Variants in NEK10 observed in about 807,000 individuals in gnomAD.
NEK10 encodes NIMA related kinase 10, also known as serine/threonine-protein kinase Nek10.
NEK10 carries 122 observed loss-of-function variants against 159.8 expected under a neutral mutation model. That is an observed-to-expected ratio of 0.76 (90% CI 0.66 to 0.89). The LOEUF (loss-of-function observed/expected upper bound fraction) is 0.89. Among genes scored for constraint, NEK10 ranks in the 40% least tolerant of loss-of-function variants. The pLI is 0.00. For synonymous variants in NEK10, 466 were observed against 457.1 expected, an observed-to-expected ratio of 1.02 and a Z score of -0.25; for missense variants, 1,342 against 1,323.1, an observed-to-expected ratio of 1.01 and a Z score of -0.22.
chr3:27,353,052 T>C, intron 1 of NEK10, 133 bp from the exon 2 acceptor site: 1 of 588,124 alleles, frequency 1.7e-6, no homozygotes, highest in Non-Finnish European at 3.0e-6. Context: ...AATACAATAA[T>C]AAAAGTGTTA....
At chr3:27,133,571 T>C (rs1942853281) in intron 31 of NEK10, among the ~76,000 whole-genome samples, 1 of 152,144 alleles carries the variant, frequency 6.6e-6, no homozygotes, top group Non-Finnish European at 1.5e-5. Context: ...GGTAAGGAGT[T>C]CAAGACTAGC....
At chr3:27,328,738 G>A (rs143836449) in intron 5 of NEK10, among the ~76,000 whole-genome samples, 178 of 152,204 alleles carry the variant, frequency 1.2e-3, no homozygotes, top group African/African-American at 3.7e-3. Context: ...TAAATTCAAC[G>A]TTGAGAACAG....
At chr3:27,347,730 C>T (rs553155175) in intron 3 of NEK10, among the ~76,000 whole-genome samples, 1 of 152,196 alleles carries the variant, frequency 6.6e-6, no homozygotes, top group African/African-American at 2.4e-5. Context: ...TATCTCAATT[C>T]GGTCAGCCAA....
intron 4 of NEK10, among the ~76,000 whole-genome samples, chr3:27,344,792 C>A (rs1055953550): frequency 1.3e-5 from 2 of 152,116 alleles, no homozygotes; most frequent in Non-Finnish European, 2.9e-5. Flanking sequence ...ACCCTCGACC[C>A]CACTGGCTGA....
At position 27,322,279 on chromosome 3, in the gene NEK10, G is replaced by A. The variant is rs530311349; in HGVS notation, c.363-18C>T. On this transcript the variant is annotated intron_variant, in intron 5 of 35. Coordinates refer to ENST00000691995, the MANE Select transcript of NEK10 (RefSeq NM_001394966.1). The stretch of plus-strand genomic sequence containing the variant: ...CCCACTCTCTGAAAGAAGAAAACAA[G>A]AGAACATGTTCACGTTTAAAATCCC... 7.0e-7 allele frequency: 1 copy of A among 1,429,890 alleles called. No individual in the cohort carries two copies. The highest frequency in any genetic ancestry group is 1.2e-5 in the South Asian group (1 of 81,354). 88.6% of individuals were successfully genotyped at this position (1,429,890 alleles called of 1,614,324 possible). A position where few individuals can be genotyped will look rare whatever the true frequency, so the allele number is the denominator to read the frequency against.
At chr3:27,361,999 C>G (rs1302822142) in intron 1 of NEK10, among the ~76,000 whole-genome samples, 8 of 151,882 alleles carry the variant, frequency 5.3e-5, no homozygotes, top group Admixed American at 2.6e-4. Flanking sequence ...TAAAAGAAGA[C>G]ATTTTTTAAT....
At chr3:27,357,023 G>T (rs1030361467) in intron 1 of NEK10, among the ~76,000 whole-genome samples, 21 of 152,200 alleles carry the variant, frequency 1.4e-4, no homozygotes, top group African/African-American at 5.1e-4. Context: ...GCTTTTAACA[G>T]TTATTTTAAG....
intron 24 of NEK10, 31 bp downstream of exon 24, chr3:27,202,397 C>A (rs373818088): frequency 2.5e-6 from 4 of 1,581,476 alleles, no homozygotes; most frequent in Non-Finnish European, 3.5e-6. Flanking sequence ...TTTAGCTACA[C>A]GAGACCCTTC....
At chr3:27,168,192 A>G (rs1946647719) in intron 29 of NEK10, among the ~76,000 whole-genome samples, 2 of 152,006 alleles carry the variant, frequency 1.3e-5, no homozygotes, top group Non-Finnish European at 2.9e-5. Flanking sequence ...AGGGTCCCCA[A>G]GTGGGAGAGC....
chr3:27,220,829 T>C (rs1231006858), intron 23 of NEK10, among the ~76,000 whole-genome samples: 1 of 152,130 alleles, frequency 6.6e-6, no homozygotes. Flanking sequence ...TGCATATAGA[T>C]TGATAAAATA....
intron 15 of NEK10, 92 bp downstream of exon 15, chr3:27,295,521 A>C (rs2043294534): frequency 6.8e-7 from 1 of 1,466,674 alleles, no homozygotes; most frequent in Admixed American, 2.2e-5. Context: ...ACCAGTACTA[A>C]CCTAAACATT....
At chr3:27,163,724 T>C (rs1946234602) in intron 29 of NEK10, among the ~76,000 whole-genome samples, 1 of 152,162 alleles carries the variant, frequency 6.6e-6, no homozygotes, top group South Asian at 2.1e-4. Context: ...GTAAGAATCA[T>C]TCTTAAACTT....
chr3:27,131,813 G>A lies in NEK10; in HGVS notation c.3081+67C>T, dbSNP rs1942654296. On this transcript the variant is annotated intron_variant, in intron 32 of 35. Coordinates refer to ENST00000691995, the MANE Select transcript of NEK10 (RefSeq NM_001394966.1). ...GAGCTTAAAGTACGAAGTAAAGGAG[G>A]TATAAAATGTACCTCTTATGATGTG... is the stretch of plus-strand genomic sequence containing the variant. The A allele has an allele frequency of 7.7e-6, 6 of 774,698 alleles. No homozygotes were observed. The East Asian group carries it at 1.0e-4, about 13-fold the overall frequency. 48.0% of individuals were successfully genotyped at this position (774,698 alleles called of 1,614,324 possible).
intron 12 of NEK10, among the ~76,000 whole-genome samples, chr3:27,302,650 T>C (rs753678597): frequency 1.7e-4 from 26 of 152,242 alleles, no homozygotes; most frequent in Non-Finnish European, 2.9e-5. Flanking sequence ...TTGTTTTACA[T>C]AGTTACCATT....
chr3:27,305,733 T>C (rs138838403), intron 11 of NEK10, among the ~76,000 whole-genome samples: 1 of 152,192 alleles, frequency 6.6e-6, no homozygotes, highest in African/African-American at 2.4e-5. Context: ...GCAGGTAAGT[T>C]AAGGGCAAAG....
intron 1 of NEK10, among the ~76,000 whole-genome samples, chr3:27,368,673 G>A (rs2049285498): frequency 6.6e-6 from 1 of 152,176 alleles, no homozygotes; most frequent in Non-Finnish European, 1.5e-5. Context: ...TTGCACATGT[G>A]TGGCGTTAAC....
chr3:27,363,054 C>T (rs760106781), intron 1 of NEK10, among the ~76,000 whole-genome samples: 1 of 152,160 alleles, frequency 6.6e-6, no homozygotes, highest in African/African-American at 2.4e-5. Context: ...GTGCAATTGG[C>T]GCTCCTGGCC....
At chr3:27,252,978 T>A (rs757809767) in intron 23 of NEK10, 1 of 451,798 alleles carries the variant, frequency 2.2e-6, no homozygotes, top group South Asian at 1.6e-5. Context: ...ATTATAGCTT[T>A]CTTAAGAATT....
chr3:27,178,097 A>C (rs1947708165), intron 26 of NEK10, among the ~76,000 whole-genome samples: 1 of 152,200 alleles, frequency 6.6e-6, no homozygotes, highest in African/African-American at 2.4e-5. Context: ...ACTGATATGG[A>C]AATCAGCACC....
Sources: gnomAD v4.1 joint callset for allele counts (sites outside exome capture counted in the v4.1 genomes callset) on GRCh38, gnomAD v4.1.1 for gene constraint, MANE v1.5 for transcripts, NCBI Gene and HGNC (gene_info 2026-07-23, HGNC 2026-07-21) for gene names.